Variants in SALL4 observed in about 807,000 individuals in gnomAD.
The protein encoded by SALL4 is spalt like transcription factor 4.
SALL4 carries 4 observed loss-of-function variants against 60.8 expected under a neutral mutation model. That is an observed-to-expected ratio of 0.07 (90% CI 0.03 to 0.15). SALL4 has a LOEUF of 0.15. Among genes scored for constraint, SALL4 ranks in the 10% least tolerant of loss-of-function variants. SALL4 has a pLI of 1.00. For synonymous variants in SALL4, 580 were observed against 574.9 expected, an observed-to-expected ratio of 1.01 and a Z score of -0.13; for missense variants, 1,178 against 1,394.7, an observed-to-expected ratio of 0.84 and a Z score of 2.48.
chr20:51,790,971 G>A lies in SALL4; in HGVS notation c.1512C>T (p.Pro504=), dbSNP rs138804604. 3.9e-4 allele frequency: 628 copies of A among 1,614,142 alleles called. 2 individuals carry two copies. The highest frequency in any genetic ancestry group is 3.2e-3 in the South Asian group (288 of 91,086). The change falls in exon 2 of 4, where the codon CCC becomes CCT. Residue 504 remains proline (P), a synonymous_variant. Coordinates refer to ENST00000217086, the MANE Select transcript of SALL4 (RefSeq NM_020436.5). The surrounding 1 kb of genome is among the most constrained non-coding windows in gnomAD (Gnocchi z 5.5). Reference sequence around the variant, plus strand: ...GAGAAGGCCCAGGCTGCAGGTCACCGGGCAAGGAGCCACCCGTGAGGTCCT... The same window carrying A: ...GAGAAGGCCCAGGCTGCAGGTCACCAGGCAAGGAGCCACCCGTGAGGTCCT... ...NPKDLTGGSL[P]GDLQPGPSPE...
rs2078022905 is a variant in SALL4, at chr20:51,790,035, G to A, written c.2448C>T (p.Arg816=). The A allele has an allele frequency of 1.2e-6, 2 of 1,614,180 alleles. No homozygotes were observed. The highest frequency in any genetic ancestry group is 1.3e-5 in the African/African-American group (1 of 75,042). The part of the protein sequence containing the change: ...GSKAESSENS[R]TEMEGRSSLP... ...AAGCTCTATCACCTTCCATCTCAGT[G>A]CGGCTGTTCTCGGAGCTCTCTGCTT... The change falls in exon 2 of 4, where the codon CGC becomes CGT. Residue 816 remains arginine, a synonymous_variant. Transcript: ENST00000217086. The surrounding 1 kb of genome is among the most constrained non-coding windows in gnomAD (Gnocchi z 5.5).
chr20:51,798,664 T>C (rs2078093026), intron 1 of SALL4, among the ~76,000 whole-genome samples: 1 of 151,976 alleles, frequency 6.6e-6, no homozygotes, highest in African/African-American at 2.4e-5. Context: ...CCAACATTGT[T>C]TTATTTCTGG....
Position 51,790,661 on chromosome 20 carries a change from T to A in SALL4, c.1822A>T (p.Asn608Tyr). The A allele has an allele frequency of 6.2e-7, 1 of 1,614,202 alleles. No homozygotes were observed. The highest frequency in any genetic ancestry group is 8.5e-7 in the Non-Finnish European group (1 of 1,180,038). The change falls in exon 2 of 4, where the codon AAC becomes TAC. Residue 608 changes from asparagine to tyrosine, a missense_variant. Asn to Tyr is a moderately radical substitution (Grantham distance 143). Coordinates refer to ENST00000217086, the MANE Select transcript of SALL4 (RefSeq NM_020436.5). This position sits in a 1 kb window ranked among gnomAD's most constrained non-coding sequence, Gnocchi z 5.5. ...ICGRAFSTKG[N>Y]LKTHLGVHRT... ...TGAACCCCAAGGTGTGTCTTCAGGT[T>A]ACCTTTGGTAGAAAAGGCTCGGCCA...
chr20:51,790,053 C>T lies in SALL4; in HGVS notation c.2430G>A (p.Glu810=), dbSNP rs762962149. 1.2e-6 allele frequency: 2 copies of T among 1,614,198 alleles called. No individual in the cohort carries two copies. The highest frequency in any genetic ancestry group is 2.2e-5 in the South Asian group (2 of 91,084). The change falls in exon 2 of 4, where the codon GAG becomes GAA. Residue 810 remains glutamate, a synonymous_variant. Coordinates refer to ENST00000217086, the MANE Select transcript of SALL4 (RefSeq NM_020436.5). This position sits in a 1 kb window ranked among gnomAD's most constrained non-coding sequence, Gnocchi z 5.5. ...TCTCAGTGCGGCTGTTCTCGGAGCT[C>T]TCTGCTTTGCTCCCAGCATCGGGAG... ...SKSPDAGSKA[E]SSENSRTEME... is the part of the protein sequence containing the mutation.
intron 1 of SALL4, chr20:51,792,700 AAAAAAAAAAGGC>A (rs2078055944): frequency 7.0e-6 from 6 of 856,216 alleles, no homozygotes; most frequent in South Asian, 2.8e-5. Flanking sequence ...AAAAAAAAAA[AAAAAAAAAAGGC>A]AAAAAGGCTG....
Position 51,802,490 on chromosome 20 carries a change from C to A in SALL4, c.-82G>T, listed in dbSNP as rs547951845. The A allele has an allele frequency of 1.5e-4, 247 of 1,598,808 alleles. No homozygotes were observed. Among genetic ancestry groups the A allele is most frequent in the Non-Finnish European group, 7.7e-5 (90 of 1,172,820 alleles). On this transcript the variant is annotated 5_prime_UTR_variant, in exon 1 of 4. Coordinates refer to ENST00000217086, the MANE Select transcript of SALL4 (RefSeq NM_020436.5). ...TTCCTGGAGTTGGGAAATTTACCCCCCTTCGGCCGGAACGCGCATGTCCCA... is the reference window on the plus strand; with the variant it reads ...TTCCTGGAGTTGGGAAATTTACCCCACTTCGGCCGGAACGCGCATGTCCCA...
Position 51,791,845 on chromosome 20 carries a change from C to G in SALL4, c.638G>C (p.Trp213Ser). The change falls in exon 2 of 4, where the codon TGG becomes TCG. Residue 213 changes from tryptophan (W) to serine (S), a missense_variant. Around this residue, in one of 5 missense-constraint regions of SALL4, gnomAD observed 853 missense variants for 1,036.8 expected, o/e 0.82. Coordinates refer to ENST00000217086, the MANE Select transcript of SALL4 (RefSeq NM_020436.5). The surrounding 1 kb of genome is among the most constrained non-coding windows in gnomAD (Gnocchi z 4.6). ...CAGACACAAGATCTGCTCGAGGACC[C>G]ACGGGATGCTGTTGGCACCAGGCAC... is the stretch of plus-strand genomic sequence containing the variant. Reference protein sequence around the residue: ...APVPGANSIPWVLEQILCLQQ... With the variant: ...APVPGANSIPSVLEQILCLQQ... 6.2e-7 allele frequency: 1 copy of G among 1,614,166 alleles called. No individual in the cohort carries two copies. The highest frequency in any genetic ancestry group is 8.5e-7 in the Non-Finnish European group (1 of 1,180,032).
At chr20:51,797,163 G>T (rs1309948084) in intron 1 of SALL4, among the ~76,000 whole-genome samples, 1 of 151,588 alleles carries the variant, frequency 6.6e-6, no homozygotes, top group African/African-American at 2.4e-5. Flanking sequence ...TTTTCATATA[G>T]TGTTACAAGT....
chr20:51,788,350 T>C lies in SALL4; in HGVS notation c.2742+511A>G, dbSNP rs1389641246. 6.6e-6 allele frequency among the ~76,000 whole-genome samples: 1 copy of C among 151,264 alleles called. No homozygotes were observed. The highest frequency in any genetic ancestry group is 2.4e-5 in the African/African-American group (1 of 41,088). Reference sequence around the variant, plus strand: ...GTGTGTGTGTGTGTGTGTGTGTGTGTGTGTGTGTAAAGACGTTGTCTCCCT... The same window carrying C: ...GTGTGTGTGTGTGTGTGTGTGTGTGCGTGTGTGTAAAGACGTTGTCTCCCT... On this transcript the variant is annotated intron_variant, in intron 3 of 3. Coordinates refer to ENST00000217086, the MANE Select transcript of SALL4 (RefSeq NM_020436.5). The surrounding 1 kb of genome is among the most constrained non-coding windows in gnomAD (Gnocchi z 4.1).
In SALL4 at chr20:51,792,037, G is replaced by T; in HGVS notation, c.446C>A (p.Ala149Glu). The T allele has an allele frequency of 1.2e-6, 2 of 1,614,098 alleles. No homozygotes were observed. Among genetic ancestry groups the T allele is most frequent in the Non-Finnish European group, 1.7e-6 (2 of 1,180,018 alleles). Residue 149 changes from alanine (A) to glutamate (E), a missense_variant, in exon 2 of 4, where the codon GCG becomes GAG. Around this residue, in one of 5 missense-constraint regions of SALL4, gnomAD observed 853 missense variants for 1,036.8 expected, o/e 0.82. Coordinates refer to ENST00000217086, the MANE Select transcript of SALL4 (RefSeq NM_020436.5). ...TGTCTTTAGGTACACCACAGACTCC[G>T]CATCCGGCTTCTCCTTCATGTCCTC... ...SSEDMKEKPD[A>E]ESVVYLKTET...
chr20:51,792,315 C>G lies in SALL4; in HGVS notation c.168G>C (p.Ala56=). ...PVNHPGNDEV[A]SEDEATVKRL... ...GCTTTACTGTGGCTTCATCCTCACT[C>G]GCCACCTCGTCATTCCCTGGGTGGT... Residue 56 remains alanine, a synonymous_variant, in exon 2 of 4, where the codon GCG becomes GCC. Coordinates refer to ENST00000217086, the MANE Select transcript of SALL4 (RefSeq NM_020436.5). 8 of 1,607,008 alleles carry G rather than the reference C, an allele frequency of 5.0e-6. No homozygotes were observed. The highest frequency in any genetic ancestry group is 6.8e-6 in the Non-Finnish European group (8 of 1,179,982).
chr20:51,796,442 G>A (rs1030668545), intron 1 of SALL4, among the ~76,000 whole-genome samples: 4 of 152,088 alleles, frequency 2.6e-5, no homozygotes, highest in African/African-American at 4.8e-5. Flanking sequence ...TTCTTAAAAC[G>A]TGAGATAGTT....
In SALL4 at chr20:51,786,212, G is replaced by A. The variant is rs553431063; in HGVS notation, c.2743-1528C>T. On this transcript the variant is annotated intron_variant, in intron 3 of 3. Coordinates refer to ENST00000217086, the MANE Select transcript of SALL4 (RefSeq NM_020436.5). ...CACCATTCTCCTGCCTCAGCCTCCC[G>A]AGTAGCTGGGACTACAGGCGCCCAC... Among the ~76,000 whole-genome samples the A allele has an allele frequency of 1.0e-3, 155 of 148,220 alleles. 1 individual carries two copies. The highest frequency in any genetic ancestry group is 1.8e-3 in the Non-Finnish European group (123 of 67,410).
chr20:51,783,554 G>A lies in SALL4; in HGVS notation c.*711C>T, dbSNP rs952067238. ...TATACAGTACCCATCTCCCCTCAAT[G>A]AGGCTGTGTAGTTGTCTTTTCCACT... On this transcript the variant is annotated 3_prime_UTR_variant, in exon 4 of 4. Coordinates refer to ENST00000217086, the MANE Select transcript of SALL4 (RefSeq NM_020436.5). 2.0e-5 allele frequency: 3 copies of A among 152,458 alleles called. No individual in the cohort carries two copies. Among genetic ancestry groups the A allele is most frequent in the Non-Finnish European group, 4.4e-5 (3 of 68,346 alleles). 9.4% of individuals were successfully genotyped at this position (152,458 alleles called of 1,614,324 possible). A position where few individuals can be genotyped will look rare whatever the true frequency, so the allele number is the denominator to read the frequency against.
At position 51,788,323 on chromosome 20, in the gene SALL4, T is replaced by TTGTGTG. The variant is rs3030173; in HGVS notation, c.2742+532_2742+537dup. ...GCATGCAACACCATGCCCAACTAAT[T>TTGTGTG]TGTGTGTGTGTGTGTGTGTGTGTGT... On this transcript the variant is annotated intron_variant, in intron 3 of 3. Transcript: ENST00000217086. The surrounding 1 kb of genome is among the most constrained non-coding windows in gnomAD (Gnocchi z 4.1). 8.8e-3 allele frequency among the ~76,000 whole-genome samples: 1,251 copies of TTGTGTG among 141,920 alleles called. 26 individuals are homozygous for TTGTGTG. Among genetic ancestry groups the TTGTGTG allele is most frequent in the African/African-American group, 0.028 (1,044 of 37,882 alleles). 93.1% of individuals were successfully genotyped at this position (141,920 alleles called of 152,430 possible).
intron 1 of SALL4, among the ~76,000 whole-genome samples, chr20:51,795,762 AG>A (rs1313167130): frequency 1.3e-5 from 2 of 152,196 alleles, no homozygotes; most frequent in African/African-American, 4.8e-5. Context: ...TTCCTGCTTT[AG>A]GAATTTCCTC....
At chr20:51,785,922 G>A (rs1323855261) in intron 3 of SALL4, among the ~76,000 whole-genome samples, 2 of 151,616 alleles carry the variant, frequency 1.3e-5, no homozygotes, top group African/African-American at 4.8e-5. Context: ...AATTACAGGC[G>A]TGAGCCACCA....
At position 51,790,014 on chromosome 20, in the gene SALL4, T is replaced by C; in HGVS notation, c.2461+8A>G. 1 of 1,614,122 alleles carries C rather than the reference T, an allele frequency of 6.2e-7. No individual in the cohort carries two copies. On this transcript the variant is annotated splice_region_variant and intron_variant, in intron 2 of 3. Transcript: ENST00000217086. This position sits in a 1 kb window ranked among gnomAD's most constrained non-coding sequence, Gnocchi z 5.5. ...AATGGACATAAGTTAAATCCAAAGC[T>C]CTATCACCTTCCATCTCAGTGCGGC...
Position 51,790,803 on chromosome 20 carries a change from C to T in SALL4, c.1680G>A (p.Lys560=), listed in dbSNP as rs2078032779. 1 of 1,614,082 alleles carries T rather than the reference C, an allele frequency of 6.2e-7. No individual in the cohort carries two copies. Among genetic ancestry groups the T allele is most frequent in the Non-Finnish European group, 8.5e-7 (1 of 1,180,030 alleles). Residue 560 remains lysine, a synonymous_variant, in exon 2 of 4, where the codon AAG becomes AAA. Coordinates refer to ENST00000217086, the MANE Select transcript of SALL4 (RefSeq NM_020436.5). The surrounding 1 kb of genome is among the most constrained non-coding windows in gnomAD (Gnocchi z 5.5). ...KLQQLVENID[K]ATTDPNECLI... ...GACATTCGTTGGGATCAGTGGTGGC[C>T]TTGTCAATGTTCTCCACCAACTGCT...
Sources: allele counts gnomAD v4.1 joint callset (sites outside exome capture counted in the v4.1 genomes callset), GRCh38; gene constraint gnomAD v4.1.1; regional missense constraint gnomAD v4.1.1; non-coding constraint Gnocchi (gnomAD v3.1); transcripts MANE v1.5; gene names NCBI Gene and HGNC (gene_info 2026-07-23, HGNC 2026-07-21).